Variants in ALS2 observed in about 807,000 individuals in gnomAD.
ALS2 encodes the protein alsin.
A neutral mutation model predicts 203.4 loss-of-function variants in ALS2; 117 were observed. The observed-to-expected ratio is 0.58, with a 90% CI of 0.50 to 0.67. The LOEUF (loss-of-function observed/expected upper bound fraction) is 0.67, where lower values mean the gene tolerates loss of function less well. ALS2 is among the 30% of genes least tolerant of loss of function. ALS2 has a pLI of 0.00. For synonymous variants in ALS2, 718 were observed against 725.9 expected, an observed-to-expected ratio of 0.99 and a Z score of 0.17; for missense variants, 1,715 against 1,989.4, an observed-to-expected ratio of 0.86 and a Z score of 2.62.
At chr2:201,727,856 T>A in intron 15 of ALS2, 81 bp from the exon 16 acceptor site, 1 of 1,300,648 alleles carries the variant, frequency 7.7e-7, no homozygotes, top group Non-Finnish European at 1.1e-6. Context: ...TTCATGTCAT[T>A]AACCCACATG....
At chr2:201,767,207 G>C in intron 3 of ALS2, 22 bp downstream of exon 3, 1 of 1,613,786 alleles carries the variant, frequency 6.2e-7, no homozygotes, top group Non-Finnish European at 8.5e-7. Flanking sequence ...GTTCGTATTT[G>C]TTACGCCATT....
intron 12 of ALS2, among the ~76,000 whole-genome samples, chr2:201,734,223 C>T (rs1691740232): frequency 6.6e-6 from 1 of 152,056 alleles, no homozygotes; most frequent in African/African-American, 2.4e-5. Context: ...ACCTGCAATC[C>T]CAGCACTTTG....
chr2:201,707,973 C>A lies in ALS2; in HGVS notation c.4299G>T (p.Leu1433=), dbSNP rs568284468. 1.2e-6 allele frequency: 2 copies of A among 1,612,788 alleles called. No individual in the cohort carries two copies. The highest frequency in any genetic ancestry group is 1.1e-5 in the South Asian group (1 of 91,014). The change falls in exon 28 of 34, where the codon CTG becomes CTT. Residue 1433 remains leucine (L), a synonymous_variant. Transcript: ENST00000264276. ...FQLVRFLFPE[L]PEEGSTIPLS... ...GAGGAATTGTGCTGCCTTCTTCAGG[C>A]AGCTCAGGAAATAAGAACCTAAGGA...
At chr2:201,729,929 A>G (rs1691450162) in intron 13 of ALS2, among the ~76,000 whole-genome samples, 1 of 151,484 alleles carries the variant, frequency 6.6e-6, no homozygotes, top group Admixed American at 6.6e-5. Context: ...GAAAAGTGGC[A>G]ATGGTCCACA....
At chr2:201,721,391 T>C (rs1482168472) in intron 23 of ALS2, among the ~76,000 whole-genome samples, 2 of 152,226 alleles carry the variant, frequency 1.3e-5, no homozygotes, top group African/African-American at 4.8e-5. Flanking sequence ...GGAGGACTTA[T>C]ATTCCTGATT....
chr2:201,749,589 A>G (rs900585474), intron 8 of ALS2, 123 bp downstream of exon 8: 22 of 989,936 alleles, frequency 2.2e-5, no homozygotes, highest in Non-Finnish European at 3.1e-5. Flanking sequence ...TCTTATGAAA[A>G]CCAAAACAAA....
intron 1 of ALS2, among the ~76,000 whole-genome samples, chr2:201,771,980 A>G (rs1217336696): frequency 6.6e-6 from 1 of 152,214 alleles, no homozygotes; most frequent in Admixed American, 6.5e-5. Context: ...CCACAGATAA[A>G]TGGCATCTCC....
At chr2:201,729,894 A>C (rs1023831554) in intron 13 of ALS2, among the ~76,000 whole-genome samples, 3 of 151,758 alleles carry the variant, frequency 2.0e-5, no homozygotes, top group Non-Finnish European at 4.4e-5. Flanking sequence ...AAAAAAAAAA[A>C]AAAAAAAAAC....
At chr2:201,759,760 A>ATTGG in intron 4 of ALS2, 1 of 985,270 alleles carries the variant, frequency 1.0e-6, no homozygotes, top group Non-Finnish European at 1.2e-6. Flanking sequence ...AGAGTAAACA[A>ATTGG]TAAGAATTGA....
intron 2 of ALS2, 50 bp downstream of exon 2, chr2:201,768,816 T>C: frequency 6.4e-7 from 1 of 1,568,108 alleles, no homozygotes; most frequent in Non-Finnish European, 8.8e-7. Flanking sequence ...TGTGAAGCTG[T>C]TTGCTATGTT....
chr2:201,722,294 A>G (rs1232670319), intron 23 of ALS2: 1 of 152,242 alleles, frequency 6.6e-6, no homozygotes, highest in Non-Finnish European at 1.5e-5. Flanking sequence ...ACCACTTCAT[A>G]CCCATTGGAA....
In ALS2 at chr2:201,761,165, T is replaced by A. The variant is rs1298188556; in HGVS notation, c.829A>T (p.Ser277Cys). The A allele has an allele frequency of 6.2e-7, 1 of 1,614,096 alleles. No homozygotes were observed. The highest frequency in any genetic ancestry group is 1.3e-5 in the African/African-American group (1 of 74,936). Residue 277 changes from serine to cysteine, a missense_variant, in exon 4 of 34, where the codon AGC becomes TGC. Ser to Cys is a moderately radical substitution (Grantham distance 112). This residue lies in a region of ALS2 where 476 missense variants were observed against 539.3 expected (regional missense o/e 0.88). Coordinates refer to ENST00000264276, the MANE Select transcript of ALS2 (RefSeq NM_020919.4). ...CTGTCAAGGGTTTCAGTGGAGGGGC[T>A]GAGAGCAGTGCTGGCATGGTTTTCT... Reference protein sequence around the residue: ...QAENHASTALSPSTETLDRQE... With the variant: ...QAENHASTALCPSTETLDRQE...
chr2:201,722,299 T>C (rs1306217849), intron 23 of ALS2: 2 of 152,194 alleles, frequency 1.3e-5, no homozygotes, highest in African/African-American at 2.4e-5. Flanking sequence ...TTCATACCCA[T>C]TGGAATGGCT....
chr2:201,729,684 T>C (rs982364622), intron 13 of ALS2, among the ~76,000 whole-genome samples: 5 of 151,856 alleles, frequency 3.3e-5, no homozygotes, highest in Non-Finnish European at 7.4e-5. Context: ...ATCAAGACCA[T>C]CCTGGCTAAC....
chr2:201,725,666 T>C (rs1471826322), intron 19 of ALS2, among the ~76,000 whole-genome samples: 2 of 152,176 alleles, frequency 1.3e-5, no homozygotes, highest in African/African-American at 2.4e-5. Context: ...TACACTAAGA[T>C]ATGGTGTTTT....
At chr2:201,754,285 T>G (rs915833493) in intron 6 of ALS2, among the ~76,000 whole-genome samples, 1 of 152,176 alleles carries the variant, frequency 6.6e-6, no homozygotes, top group African/African-American at 2.4e-5. Flanking sequence ...AGCACTAGGA[T>G]TAAAGGTGTG....
intron 22 of ALS2, 32 bp downstream of exon 22, chr2:201,723,298 T>C: frequency 1.3e-6 from 2 of 1,542,260 alleles, no homozygotes; most frequent in Non-Finnish European, 1.8e-6. Flanking sequence ...TTTAAAAAGT[T>C]AGTAATAACT....
At chr2:201,720,005 G>A (rs1415165874) in intron 23 of ALS2, 1 of 306,590 alleles carries the variant, frequency 3.3e-6, no homozygotes, top group African/African-American at 2.3e-5. Context: ...CTTAGGCCCA[G>A]AAGACTTCAT....
At chr2:201,748,282 C>T (rs1038698825) in intron 8 of ALS2, among the ~76,000 whole-genome samples, 3 of 152,072 alleles carry the variant, frequency 2.0e-5, no homozygotes, top group Non-Finnish European at 4.4e-5. Context: ...CAAATTCAGG[C>T]GATCCAAATA....
Sources: gnomAD v4.1 joint callset for allele counts (sites outside exome capture counted in the v4.1 genomes callset) on GRCh38, gnomAD v4.1.1 for gene constraint, gnomAD v4.1.1 regional missense constraint, MANE v1.5 for transcripts, NCBI Gene and HGNC (gene_info 2026-07-23, HGNC 2026-07-21) for gene names.